The following SGPP1 variants were observed in gnomAD, a reference collection of about 807,000 sequenced individuals.
SGPP1 encodes the protein sphingosine-1-phosphate phosphatase 1.
A neutral mutation model predicts 33.0 loss-of-function variants in SGPP1; 21 were observed. That is an observed-to-expected ratio of 0.64 (90% CI 0.45 to 0.92). The LOEUF is 0.92. SGPP1 is among the 40% of genes least tolerant of loss of function. SGPP1 has a pLI of 0.00. For synonymous variants in SGPP1, 239 were observed against 241.2 expected, an observed-to-expected ratio of 0.99 and a Z score of 0.08; for missense variants, 543 against 589.4, an observed-to-expected ratio of 0.92 and a Z score of 0.81.
In SGPP1 at chr14:63,695,011, T is replaced by C. The variant is rs142311838; in HGVS notation, c.774+3558A>G. Among the ~76,000 whole-genome samples, 12 of 152,254 alleles carry C rather than the reference T, an allele frequency of 7.9e-5. No homozygotes were observed. The East Asian group carries it at 2.3e-3, about 29-fold the overall frequency. On this transcript the variant is annotated intron_variant, in intron 2 of 2. Transcript: ENST00000247225. ...GCTAGTGATTTGCTGAGACTGAAAT[T>C]CAGGTCTCCCATCTCATAATGGCTT... is the stretch of plus-strand genomic sequence containing the variant.
At position 63,727,713 on chromosome 14, in the gene SGPP1, C is replaced by T. The variant is rs1885919421; in HGVS notation, c.232G>A (p.Ala78Thr). ...PPGSDRNQCP[A>T]KPDGGGAPNG... The stretch of plus-strand genomic sequence containing the variant: ...GGGGCGCCGCCGCCGTCCGGCTTGG[C>T]CGGGCACTGATTGCGGTCGCTCCCG... The change falls in exon 1 of 3, where the codon GCC (alanine) becomes ACC (threonine). Residue 78 changes from alanine (A) to threonine (T), a missense_variant. Physicochemically the swap from Ala to Thr is moderately conservative, Grantham distance 58 (BLOSUM62 0). Coordinates refer to ENST00000247225, the MANE Select transcript of SGPP1 (RefSeq NM_030791.4). The T allele has an allele frequency of 2.8e-6, 4 of 1,418,296 alleles. No individual in the cohort carries two copies. Among genetic ancestry groups the T allele is most frequent in the Non-Finnish European group, 1.8e-6 (2 of 1,094,898 alleles). 87.9% of individuals were successfully genotyped at this position (1,418,296 alleles called of 1,614,324 possible).
intron 1 of SGPP1, among the ~76,000 whole-genome samples, chr14:63,699,650 T>C (rs1885255111): frequency 1.3e-5 from 2 of 152,094 alleles, no homozygotes. Flanking sequence ...GATAATAGCA[T>C]ACTAACACCT....
At chr14:63,724,164 A>T (rs1354976396) in intron 1 of SGPP1, among the ~76,000 whole-genome samples, 1 of 152,056 alleles carries the variant, frequency 6.6e-6, no homozygotes, top group African/African-American at 2.4e-5. Context: ...ACAGGGATGA[A>T]CCACTACACC....
At chr14:63,725,299 G>C (rs1885856653) in intron 1 of SGPP1, among the ~76,000 whole-genome samples, 1 of 152,072 alleles carries the variant, frequency 6.6e-6, no homozygotes, top group African/African-American at 2.4e-5. Flanking sequence ...GCTTGAACCT[G>C]GGAGGCAGAG....
intron 1 of SGPP1, among the ~76,000 whole-genome samples, chr14:63,703,614 C>T (rs190196527): frequency 5.0e-4 from 71 of 142,692 alleles, no homozygotes; most frequent in African/African-American, 1.4e-3. Context: ...GATTGCACCC[C>T]GGCACTCCAG....
chr14:63,696,934 C>T (rs774014500), intron 2 of SGPP1, among the ~76,000 whole-genome samples: 18 of 152,008 alleles, frequency 1.2e-4, no homozygotes, highest in African/African-American at 3.6e-4. Flanking sequence ...TGCAGTGAGC[C>T]GAGATTGTGC....
intron 2 of SGPP1, among the ~76,000 whole-genome samples, chr14:63,691,473 T>A (rs1004341268): frequency 2.0e-5 from 3 of 152,198 alleles, no homozygotes; most frequent in Non-Finnish European, 4.4e-5. Context: ...GGCATCTACC[T>A]CCTCCATAAA....
chr14:63,721,746 ATG>A (rs1412984022), intron 1 of SGPP1, among the ~76,000 whole-genome samples: 3 of 152,108 alleles, frequency 2.0e-5, no homozygotes, highest in African/African-American at 7.2e-5. Flanking sequence ...GAATATTCTT[ATG>A]TGTCTTTCTT....
chr14:63,715,963 TA>T (rs1275652789), intron 1 of SGPP1, among the ~76,000 whole-genome samples: 1 of 152,176 alleles, frequency 6.6e-6, no homozygotes, highest in Non-Finnish European at 1.5e-5. Context: ...AAATTAGCCT[TA>T]ACCTACGATT....
rs1411156390 is a variant in SGPP1, at chr14:63,728,042, A to G, written c.-98T>C. 7.9e-7 allele frequency: 1 copy of G among 1,263,930 alleles called. No individual in the cohort carries two copies. The highest frequency in any genetic ancestry group is 1.0e-6 in the Non-Finnish European group (1 of 990,250). 78.3% of individuals were successfully genotyped at this position (1,263,930 alleles called of 1,614,324 possible). A position where few individuals can be genotyped will look rare whatever the true frequency, so the allele number is the denominator to read the frequency against. ...GGCAGCGGAACCGGCACAGCGCTCT[A>G]CCCTCCGGAGTCTGCCGGGTGACGG... On this transcript the variant is annotated 5_prime_UTR_variant, in exon 1 of 3. Transcript: ENST00000247225.
rs772998098 is a variant in SGPP1 at position 63,727,789 on chromosome 14, G to A, written c.156C>T (p.Asp52=). ...CTGGCTGCCGCCCTCGCAGTCGAGG[G>A]TCTCCGGCGAGAGGCGCCTCCGCTT... ...DEKAEAPLAG[D]PRLRGRQPGA... Residue 52 remains aspartate (D), a synonymous_variant, in exon 1 of 3, where the codon GAC becomes GAT. Transcript: ENST00000247225. 2 of 1,504,750 alleles carry A rather than the reference G, an allele frequency of 1.3e-6. No individual in the cohort carries two copies. Among genetic ancestry groups the A allele is most frequent in the African/African-American group, 1.4e-5 (1 of 69,348 alleles). 93.2% of individuals were successfully genotyped at this position (1,504,750 alleles called of 1,614,324 possible).
rs908312618 is a variant in SGPP1, at chr14:63,684,679, T to G, written c.*1426A>C. The G allele has an allele frequency of 6.6e-6, 1 of 152,482 alleles. No homozygotes were observed. The highest frequency in any genetic ancestry group is 2.4e-5 in the African/African-American group (1 of 41,450). 9.4% of individuals were successfully genotyped at this position (152,482 alleles called of 1,614,324 possible). A position where few individuals can be genotyped will look rare whatever the true frequency, so the allele number is the denominator to read the frequency against. ...AAATCAGTAATTTCATACCTGGTAT[T>G]TATTTATATGGAAAGTTAATCTCTT... On this transcript the variant is annotated 3_prime_UTR_variant, in exon 3 of 3. Transcript: ENST00000247225.
intron 1 of SGPP1, among the ~76,000 whole-genome samples, chr14:63,722,948 A>C (rs1419688809): frequency 6.7e-6 from 1 of 150,286 alleles, no homozygotes; most frequent in African/African-American, 2.5e-5. Context: ...CTCCAGTCTG[A>C]GCGACAGAGT....
intron 1 of SGPP1, among the ~76,000 whole-genome samples, chr14:63,724,589 T>C (rs1010646882): frequency 2.0e-5 from 3 of 149,718 alleles, no homozygotes; most frequent in Non-Finnish European, 4.4e-5. Flanking sequence ...GAAGGTACTT[T>C]TGTTTTCAAT....
At chr14:63,689,258 T>A (rs1167625636) in intron 2 of SGPP1, among the ~76,000 whole-genome samples, 1 of 152,102 alleles carries the variant, frequency 6.6e-6, no homozygotes, top group Non-Finnish European at 1.5e-5. Flanking sequence ...CATTCCTCCC[T>A]GGAGGCAATT....
At position 63,727,826 on chromosome 14, in the gene SGPP1, C is replaced by T. The variant is rs1474081793; in HGVS notation, c.119G>A (p.Arg40Lys). 2 of 1,509,996 alleles carry T rather than the reference C, an allele frequency of 1.3e-6. No individual in the cohort carries two copies. Among genetic ancestry groups the T allele is most frequent in the Non-Finnish European group, 1.8e-6 (2 of 1,135,488 alleles). The allele number at this position is 1,509,996 out of a possible 1,614,324, so 93.5% of individuals were successfully genotyped here. A position where few individuals can be genotyped will look rare whatever the true frequency, so the allele number is the denominator to read the frequency against. Residue 40 changes from arginine (R) to lysine (K), a missense_variant, in exon 1 of 3, where the codon AGG becomes AAG. Transcript: ENST00000247225. ...EAPPRRSADRREDEKAEAPLA... is the reference protein window; with the variant it reads ...EAPPRRSADRKEDEKAEAPLA... The stretch of plus-strand genomic sequence containing the variant: ...AGGCGCCTCCGCTTTCTCATCCTCC[C>T]TCCGGTCTGCTGAGCGGCGCGGCGG...
chr14:63,708,926 T>C (rs540699878), intron 1 of SGPP1, among the ~76,000 whole-genome samples: 1 of 152,364 alleles, frequency 6.6e-6, no homozygotes, highest in South Asian at 2.1e-4. Context: ...TACTACACTA[T>C]GCTGCCCTTC....
chr14:63,727,404 T>C lies in SGPP1; in HGVS notation c.541A>G (p.Ile181Val). The C allele has an allele frequency of 6.2e-7, 1 of 1,613,804 alleles. No homozygotes were observed. The highest frequency in any genetic ancestry group is 1.3e-5 in the African/African-American group (1 of 74,938). The change falls in exon 1 of 3, where the codon ATC becomes GTC. Residue 181 changes from isoleucine to valine, a missense_variant. Physicochemically the swap from Ile to Val is conservative, Grantham distance 29. Transcript: ENST00000247225. ...MYLGQCTKDI[I>V]RWPRPASPPV... Reference sequence around the variant, plus strand: ...GGCGAGGCGGGCCTCGGCCAGCGGATGATGTCCTTGGTGCACTGGCCCAGG... The same window carrying C: ...GGCGAGGCGGGCCTCGGCCAGCGGACGATGTCCTTGGTGCACTGGCCCAGG...
intron 1 of SGPP1, among the ~76,000 whole-genome samples, chr14:63,724,107 TG>T (rs1456230557): frequency 6.6e-6 from 1 of 152,076 alleles, no homozygotes; most frequent in Non-Finnish European, 1.5e-5. Context: ...CTCCAACTCC[TG>T]GGCTCAAGGG....
Sources: gnomAD v4.1 joint callset for allele counts (sites outside exome capture counted in the v4.1 genomes callset) on GRCh38, gnomAD v4.1.1 for gene constraint, MANE v1.5 for transcripts, NCBI Gene and HGNC (gene_info 2026-07-23, HGNC 2026-07-21) for gene names.